The following WNK2 variants were observed in gnomAD, a reference collection of about 807,000 sequenced individuals.
The protein encoded by WNK2 is serine/threonine-protein kinase WNK2.
WNK2 carries 67 observed loss-of-function variants against 192.1 expected under a neutral mutation model. That is an observed-to-expected ratio of 0.35 (90% confidence interval 0.29 to 0.43). The LOEUF (loss-of-function observed/expected upper bound fraction) is 0.43. WNK2 is among the 20% of genes least tolerant of loss of function. WNK2 has a pLI of 1.00. For synonymous variants in WNK2, 1,439 were observed against 1,393.9 expected (o/e 1.03, Z -0.72); for missense variants, 2,698 against 3,089.7 (o/e 0.87, Z 3.01).
rs1838422748 is a variant in WNK2 at position 93,229,802 on chromosome 9, C to T, written c.788C>T (p.Ser263Phe). 1 of 1,613,954 alleles carries T rather than the reference C, an allele frequency of 6.2e-7. No individual in the cohort carries two copies. ...GTGCGCTTCTACGACTTCTGGGAGT[C>T]CAGCGCCAAGGGCAAGCGGTGCATT... is the stretch of plus-strand genomic sequence containing the variant. ...NIVRFYDFWE[S>F]SAKGKRCIVL... Residue 263 changes from serine to phenylalanine, a missense_variant, in exon 3 of 30, where the codon TCC becomes TTC. Transcript: ENST00000427277. The surrounding 1 kb of genome is among the most constrained non-coding windows in gnomAD (Gnocchi z 4.9).
intron 2 of WNK2, among the ~76,000 whole-genome samples, chr9:93,220,421 T>C (rs913053011): frequency 3.3e-5 from 5 of 152,198 alleles, no homozygotes; most frequent in Non-Finnish European, 5.9e-5. Flanking sequence ...TCTGGGCAAC[T>C]CTACCTGTCA....
chr9:93,274,582 A>ATATTACTG (rs1846499549), intron 19 of WNK2, among the ~76,000 whole-genome samples: 1 of 152,086 alleles, frequency 6.6e-6, no homozygotes, highest in African/African-American at 2.4e-5. Flanking sequence ...TAAAAGAGGT[A>ATATTACTG]TATTACTGTA....
chr9:93,190,988 G>C (rs1830238681), intron 2 of WNK2, among the ~76,000 whole-genome samples: 1 of 152,220 alleles, frequency 6.6e-6, no homozygotes, highest in Non-Finnish European at 1.5e-5. Context: ...ATCAGGGCTG[G>C]AAGAGGCCAA....
Position 93,229,866 on chromosome 9 carries a change from G to A in WNK2, c.852G>A (p.Lys284=). The A allele has an allele frequency of 6.2e-7, 1 of 1,613,270 alleles. No homozygotes were observed. The highest frequency in any genetic ancestry group is 1.1e-5 in the South Asian group (1 of 91,034). ...VTELMTSGTL[K]TYLKRFKVMK... ...AGCTGATGACCTCAGGGACGCTGAA[G>A]ACGTAAGCTCCGCTTCCTGAGGGCT... The change falls in exon 3 of 30, where the codon AAG becomes AAA. Residue 284 remains lysine, a splice_region_variant and synonymous_variant. Coordinates refer to ENST00000427277, the MANE Select transcript of WNK2 (RefSeq NM_006648.4). This position sits in a 1 kb window ranked among gnomAD's most constrained non-coding sequence, Gnocchi z 4.9.
intron 19 of WNK2, among the ~76,000 whole-genome samples, chr9:93,272,400 A>G (rs888728267): frequency 1.3e-5 from 2 of 152,254 alleles, no homozygotes; most frequent in Admixed American, 1.3e-4. Flanking sequence ...AGAATTATAC[A>G]AAAAGATGTG....
At chr9:93,308,718 C>G in intron 28 of WNK2, 134 bp downstream of exon 28, 1 of 1,372,172 alleles carries the variant, frequency 7.3e-7, no homozygotes. Flanking sequence ...ATTCTCCCCA[C>G]AGCCCCAAGA....
chr9:93,256,275 G>T (rs766604021), intron 9 of WNK2, 24 bp from the exon 10 acceptor site: 1 of 1,505,164 alleles, frequency 6.6e-7, no homozygotes, highest in Non-Finnish European at 8.9e-7. Flanking sequence ...CTGCTGCTGA[G>T]TGTGGCCCTG....
chr9:93,215,941 G>A (rs1835661900), intron 2 of WNK2, among the ~76,000 whole-genome samples: 1 of 152,248 alleles, frequency 6.6e-6, no homozygotes, highest in African/African-American at 2.4e-5. Flanking sequence ...GGGTGATTTT[G>A]TCTTTCACTA....
At chr9:93,270,320 T>G (rs993046115) in intron 19 of WNK2, among the ~76,000 whole-genome samples, 3 of 152,206 alleles carry the variant, frequency 2.0e-5, no homozygotes, top group African/African-American at 7.2e-5. Context: ...TCACATGACT[T>G]GTATGACCAA....
chr9:93,307,100 T>C, intron 27 of WNK2: 3 of 518,938 alleles, frequency 5.8e-6, no homozygotes, highest in South Asian at 4.4e-5. Context: ...AAATTGCCGA[T>C]CATTAATTGG....
Position 93,297,876 on chromosome 9 carries a change from T to A in WNK2, c.5732T>A (p.Leu1911Gln). 1 of 1,589,124 alleles carries A rather than the reference T, an allele frequency of 6.3e-7. No homozygotes were observed. ...AGGCACCTGAAGGAGATCTCGGAGCTGCAGAGCCAGCAGAAGCAGGAGATC... is the reference window on the plus strand; with the variant it reads ...AGGCACCTGAAGGAGATCTCGGAGCAGCAGAGCCAGCAGAAGCAGGAGATC... Reference protein sequence around the residue: ...REKHLKEISELQSQQKQEIEA... With the variant: ...REKHLKEISEQQSQQKQEIEA... The change falls in exon 24 of 30, where the codon CTG (leucine) becomes CAG (glutamine). Residue 1911 changes from leucine (L) to glutamine (Q), a missense_variant. Physicochemically the swap from Leu to Gln is moderately radical, Grantham distance 113. Around this residue, in one of 7 missense-constraint regions of WNK2, gnomAD observed 1,098 missense variants for 1,101.0 expected, o/e 1.00. Coordinates refer to ENST00000427277, the MANE Select transcript of WNK2 (RefSeq NM_006648.4).
In WNK2 at chr9:93,238,244, G is replaced by A. The variant is rs781146231; in HGVS notation, c.1245G>A (p.Pro415=). 9.3e-6 allele frequency: 15 copies of A among 1,613,874 alleles called. No homozygotes were observed. The highest frequency in any genetic ancestry group is 4.4e-5 in the South Asian group (4 of 91,082). The change falls in exon 6 of 30, where the codon CCG becomes CCA. Residue 415 remains proline, a synonymous_variant. Coordinates refer to ENST00000427277, the MANE Select transcript of WNK2 (RefSeq NM_006648.4). ...IYRKVTCGIK[P]ASFEKVHDPE... ...TCTCTCCCTGTCAGGGTATCAAGCC[G>A]GCCAGCTTTGAGAAAGTGCACGATC...
At chr9:93,223,042 G>A (rs995973063) in intron 2 of WNK2, among the ~76,000 whole-genome samples, 3 of 152,198 alleles carry the variant, frequency 2.0e-5, no homozygotes, top group African/African-American at 2.4e-5. Flanking sequence ...CTGTCAATGC[G>A]GTTGTGTATT....
chr9:93,291,213 G>A (rs1419939213), intron 21 of WNK2, among the ~76,000 whole-genome samples: 3 of 152,202 alleles, frequency 2.0e-5, no homozygotes, highest in South Asian at 2.1e-4. Flanking sequence ...CCCTGACCAC[G>A]CTGGGCTGCC....
chr9:93,190,276 T>G lies in WNK2; in HGVS notation c.681+4666T>G, dbSNP rs544628395. 3.3e-3 allele frequency among the ~76,000 whole-genome samples: 509 copies of G among 152,076 alleles called. 2 individuals carry two copies. Among genetic ancestry groups the G allele is most frequent in the African/African-American group, 0.011 (475 of 41,464 alleles). ...TGCCCCCCGAGTGGTGGTGGCGAGG[T>G]GTGTGTCAGCAGCGATGACAGACAG... On this transcript the variant is annotated intron_variant, in intron 2 of 29. Transcript: ENST00000427277.
intron 3 of WNK2, 68 bp from the exon 4 acceptor site, chr9:93,230,820 G>T: frequency 7.0e-7 from 1 of 1,420,286 alleles, no homozygotes; most frequent in Non-Finnish European, 9.7e-7. Context: ...GCAGTGTTAG[G>T]TGGGGGCTTT....
At position 93,199,899 on chromosome 9, in the gene WNK2, C is replaced by CCAAAAAAAAAAAAAAA. The variant is rs746562036; in HGVS notation, c.681+14289_681+14290insCAAAAAAAAAAAAAAA. ...GGCGACAGAGCAAGACTCTTTGTCT[C>CCAAAAAAAAAAAAAAA]AAAAAAAAAAAAGAAAACACAAAGC... On this transcript the variant is annotated intron_variant, in intron 2 of 29. Coordinates refer to ENST00000427277, the MANE Select transcript of WNK2 (RefSeq NM_006648.4). Among the ~76,000 whole-genome samples the CCAAAAAAAAAAAAAAA allele has an allele frequency of 5.6e-5, 6 of 107,762 alleles. No individual in the cohort carries two copies. The East Asian group carries it at 1.2e-3, about 21-fold the overall frequency. 70.7% of individuals were successfully genotyped at this position (107,762 alleles called of 152,430 possible).
At position 93,256,425 on chromosome 9, in the gene WNK2, C is replaced by T. The variant is rs1177666549; in HGVS notation, c.2161C>T (p.Pro721Ser). 2.6e-6 allele frequency: 4 copies of T among 1,535,368 alleles called. No homozygotes were observed. The highest frequency in any genetic ancestry group is 3.5e-6 in the Non-Finnish European group (4 of 1,146,234). The change falls in exon 10 of 30, where the codon CCA (proline) becomes TCA (serine). Residue 721 changes from proline to serine, a missense_variant. Pro to Ser is a moderately conservative substitution (Grantham distance 74). Around this residue, in one of 7 missense-constraint regions of WNK2, gnomAD observed 893 missense variants for 909.0 expected, o/e 0.98. Transcript: ENST00000427277. ...GCCCAGCACCCCCATGCCCACGGGC[C>T]CAGGCCAGCCAGCACCCCCCGGCCA... ...PPPSTPMPTG[P>S]GQPAPPGQQP... is the part of the protein sequence containing the mutation.
At position 93,239,935 on chromosome 9, in the gene WNK2, G is replaced by A. The variant is rs765957710; in HGVS notation, c.1501G>A (p.Asp501Asn). Residue 501 changes from aspartate (D) to asparagine (N), a missense_variant, in exon 7 of 30, where the codon GAC (aspartate) becomes AAC (asparagine). Asp to Asn is a conservative substitution (Grantham distance 23, BLOSUM62 1). Coordinates refer to ENST00000427277, the MANE Select transcript of WNK2 (RefSeq NM_006648.4). The surrounding 1 kb of genome is among the most constrained non-coding windows in gnomAD (Gnocchi z 4.2). The stretch of plus-strand genomic sequence containing the variant: ...CAATGGAGCCATAGAGTTCACCTTC[G>A]ACCTGGAGAAGGAGACGCCGGATGA... The part of the protein sequence containing the change: ...KDNGAIEFTF[D>N]LEKETPDEVA... 7.4e-6 allele frequency: 12 copies of A among 1,612,220 alleles called. 1 individual carries two copies. The highest frequency in any genetic ancestry group is 1.6e-4 in the Middle Eastern group (1 of 6,062).
Sources: allele counts gnomAD v4.1 joint callset (sites outside exome capture counted in the v4.1 genomes callset), GRCh38; gene constraint gnomAD v4.1.1; regional missense constraint gnomAD v4.1.1; non-coding constraint Gnocchi (gnomAD v3.1); transcripts MANE v1.5; gene names NCBI Gene and HGNC (gene_info 2026-07-23, HGNC 2026-07-21).